Variants in ADARB2 observed in about 807,000 individuals in gnomAD.
ADARB2 encodes the protein inactive double-stranded RNA-specific editase B2.
A neutral mutation model predicts 62.2 loss-of-function variants in ADARB2; 25 were observed. The ratio of observed to expected loss-of-function variants is 0.40; its 90% CI spans 0.29 to 0.56. The LOEUF (loss-of-function observed/expected upper bound fraction) is 0.56, where lower values mean the gene tolerates loss of function less well. Ranked by LOEUF, ADARB2 falls within the 20% of genes least tolerant of loss-of-function variation. The pLI, the probability that ADARB2 is intolerant of heterozygous loss-of-function variation, is 0.43. For synonymous variants in ADARB2, 572 were observed against 500.8 expected (o/e 1.14, Z -1.90); for missense variants, 1,071 against 1,077.4 (o/e 0.99, Z 0.08).
chr10:1,579,313 G>A (rs928878336), intron 1 of ADARB2, among the ~76,000 whole-genome samples: 8 of 152,180 alleles, frequency 5.3e-5, no homozygotes, highest in South Asian at 2.1e-4. Context: ...GATTGCCTGC[G>A]TTAGACTCAG....
intron 1 of ADARB2, among the ~76,000 whole-genome samples, chr10:1,495,112 T>C (rs1314696225): frequency 1.3e-5 from 2 of 152,234 alleles, no homozygotes; most frequent in African/African-American, 2.4e-5. Context: ...ACAGTTTACA[T>C]GATTTAGCTG....
rs1228906829 is a variant in ADARB2, at chr10:1,589,201, G to C, written c.100+147850C>G. Among the ~76,000 whole-genome samples, 3 of 152,256 alleles carry C rather than the reference G, an allele frequency of 2.0e-5. No individual in the cohort carries two copies. The East Asian group carries it at 5.8e-4, about 29-fold the overall frequency. ...AATTCTGCCACATTTGTGGCGAACA[G>C]ATGGTGGGCATTTTTAGGACTGATA... On this transcript the variant is annotated intron_variant, in intron 1 of 9. Coordinates refer to ENST00000381312, the MANE Select transcript of ADARB2 (RefSeq NM_018702.4).
chr10:1,504,758 C>T (rs555697682), intron 1 of ADARB2, among the ~76,000 whole-genome samples: 2 of 152,250 alleles, frequency 1.3e-5, no homozygotes, highest in East Asian at 3.9e-4. Context: ...TTAAAAAATT[C>T]TTAAAAAGTA....
chr10:1,261,616 G>A (rs1831137667), intron 4 of ADARB2, among the ~76,000 whole-genome samples: 2 of 149,672 alleles, frequency 1.3e-5, no homozygotes, highest in Non-Finnish European at 2.9e-5. Context: ...TCTCACACCA[G>A]GCAATCATTA....
chr10:1,533,134 T>C (rs2131961434), intron 1 of ADARB2, among the ~76,000 whole-genome samples: 1 of 131,602 alleles, frequency 7.6e-6, no homozygotes, highest in Non-Finnish European at 1.7e-5. Context: ...TTTTTTTTTT[T>C]CTGAGATGGA....
intron 6 of ADARB2, among the ~76,000 whole-genome samples, chr10:1,230,371 C>T (rs4880798): frequency 0.6 from 91,151 of 151,896 alleles, 27,561 homozygotes; most frequent in Non-Finnish European, 0.64. Context: ...GCTCCCGCCG[C>T]CAGCCTTTCC....
intron 1 of ADARB2, among the ~76,000 whole-genome samples, chr10:1,540,486 AGTT>A (rs1832403870): frequency 6.8e-6 from 1 of 147,602 alleles, no homozygotes; most frequent in Non-Finnish European, 1.5e-5. Flanking sequence ...ACTCAGACGT[AGTT>A]CAGACCCTGG....
At chr10:1,602,941 C>T (rs1309028474) in intron 1 of ADARB2, among the ~76,000 whole-genome samples, 1 of 146,492 alleles carries the variant, frequency 6.8e-6, no homozygotes, top group Non-Finnish European at 1.5e-5. Flanking sequence ...ACATCATGCG[C>T]ACACCTGTAC....
At chr10:1,495,513 T>C (rs551614253) in intron 1 of ADARB2, among the ~76,000 whole-genome samples, 1 of 152,330 alleles carries the variant, frequency 6.6e-6, no homozygotes, top group Non-Finnish European at 1.5e-5. Flanking sequence ...GGTTGATGAA[T>C]AGAATTCCAG....
chr10:1,623,059 G>A (rs1833725028), intron 1 of ADARB2, among the ~76,000 whole-genome samples: 2 of 152,158 alleles, frequency 1.3e-5, no homozygotes, highest in South Asian at 4.2e-4. Context: ...GTGCTGAGCA[G>A]GAGTTGGAAG....
chr10:1,262,779 G>A (rs978732548), intron 4 of ADARB2, among the ~76,000 whole-genome samples: 1 of 152,098 alleles, frequency 6.6e-6, no homozygotes, highest in African/African-American at 2.4e-5. Context: ...TCCCATTACT[G>A]GGTATATACC....
At chr10:1,416,356 T>G (rs982838504) in intron 1 of ADARB2, among the ~76,000 whole-genome samples, 1 of 152,092 alleles carries the variant, frequency 6.6e-6, no homozygotes, top group Non-Finnish European at 1.5e-5. Flanking sequence ...CTGGGGTGAG[T>G]GTGCCTGTGG....
At chr10:1,627,126 G>A (rs1454450525) in intron 1 of ADARB2, among the ~76,000 whole-genome samples, 2 of 152,030 alleles carry the variant, frequency 1.3e-5, no homozygotes, top group African/African-American at 2.4e-5. Flanking sequence ...CCGGGCCCTC[G>A]GGTGAATCGT....
chr10:1,255,021 A>G lies in ADARB2; in HGVS notation c.1193-12722T>C, dbSNP rs376506495. Reference sequence around the variant, plus strand: ...TTGTCAGGATAAGCACAGTAATCACATACTCATTAATTTCCTTATAAAATG... The same window carrying G: ...TTGTCAGGATAAGCACAGTAATCACGTACTCATTAATTTCCTTATAAAATG... On this transcript the variant is annotated intron_variant, in intron 4 of 9. Coordinates refer to ENST00000381312, the MANE Select transcript of ADARB2 (RefSeq NM_018702.4). This position sits in a 1 kb window ranked among gnomAD's most constrained non-coding sequence, Gnocchi z 4.7. 2.0e-5 allele frequency among the ~76,000 whole-genome samples: 3 copies of G among 152,226 alleles called. No individual in the cohort carries two copies. Among genetic ancestry groups the G allele is most frequent in the African/African-American group, 7.2e-5 (3 of 41,460 alleles).
chr10:1,183,089 A>G lies in ADARB2; in HGVS notation c.*104T>C. ...CACTCGCGTGTTTCTGGGACACCAA[A>G]GTAAAACGAATGCAGGGAACCGGCC... On this transcript the variant is annotated 3_prime_UTR_variant, in exon 10 of 10. Coordinates refer to ENST00000381312, the MANE Select transcript of ADARB2 (RefSeq NM_018702.4). The G allele has an allele frequency of 7.4e-7, 1 of 1,345,508 alleles. No individual in the cohort carries two copies. Among genetic ancestry groups the G allele is most frequent in the Non-Finnish European group, 1.0e-6 (1 of 987,220 alleles). The allele number at this position is 1,345,508 out of a possible 1,614,324, so 83.3% of individuals were successfully genotyped here. A position where few individuals can be genotyped will look rare whatever the true frequency, so the allele number is the denominator to read the frequency against.
intron 1 of ADARB2, among the ~76,000 whole-genome samples, chr10:1,437,485 G>A (rs964823661): frequency 9.8e-5 from 15 of 152,314 alleles, no homozygotes; most frequent in African/African-American, 2.9e-4. Context: ...ACGCAGCCAC[G>A]GGTTTATTAG....
intron 1 of ADARB2, among the ~76,000 whole-genome samples, chr10:1,405,629 C>CAAAA (rs3029747): frequency 2.8e-4 from 24 of 86,884 alleles, no homozygotes; most frequent in East Asian, 1.0e-3. Flanking sequence ...GATTCAGTCT[C>CAAAA]AAAAAAAAAA....
intron 1 of ADARB2, among the ~76,000 whole-genome samples, chr10:1,585,992 C>T (rs1361729625): frequency 1.3e-5 from 2 of 152,212 alleles, no homozygotes; most frequent in East Asian, 3.9e-4. Flanking sequence ...CAAGATAGCG[C>T]CACTGCACTC....
At chr10:1,393,716 G>A (rs1227056812) in intron 1 of ADARB2, among the ~76,000 whole-genome samples, 1 of 152,196 alleles carries the variant, frequency 6.6e-6, no homozygotes, top group Non-Finnish European at 1.5e-5. Context: ...AAGCTGAAAC[G>A]CCAACACAGA....
Sources: gnomAD v4.1 joint callset for allele counts (sites outside exome capture counted in the v4.1 genomes callset) on GRCh38, gnomAD v4.1.1 for gene constraint, Gnocchi (gnomAD v3.1) non-coding constraint, MANE v1.5 for transcripts, NCBI Gene and HGNC (gene_info 2026-07-23, HGNC 2026-07-21) for gene names.